Variants in THADA observed in about 807,000 individuals in gnomAD.
The protein encoded by THADA is THADA armadillo repeat containing.
THADA carries 213 observed loss-of-function variants against 219.8 expected under a neutral mutation model. That is an observed-to-expected ratio of 0.97 (90% CI 0.87 to 1.09). THADA has a LOEUF of 1.09. Ranked by LOEUF, THADA falls within the 50% of genes least tolerant of loss-of-function variation. The pLI is 0.00. For synonymous variants in THADA, 1,018 were observed against 828.9 expected (o/e 1.23, Z -3.92); for missense variants, 2,956 against 2,311.3 (o/e 1.28, Z -5.72).
chr2:43,295,484 C>A (rs1179603276), intron 31 of THADA, among the ~76,000 whole-genome samples: 1 of 152,236 alleles, frequency 6.6e-6, no homozygotes, highest in Non-Finnish European at 1.5e-5. Flanking sequence ...ACAGACTTCA[C>A]CAAATGCCTT....
intron 22 of THADA, among the ~76,000 whole-genome samples, chr2:43,517,275 A>T (rs993095109): frequency 2.0e-5 from 3 of 152,150 alleles, no homozygotes; most frequent in African/African-American, 7.2e-5. Flanking sequence ...TGAATGATTC[A>T]TGGTAGCCTG....
At chr2:43,514,708 A>G (rs1691048064) in intron 22 of THADA, among the ~76,000 whole-genome samples, 2 of 74,308 alleles carry the variant, frequency 2.7e-5, no homozygotes, top group African/African-American at 1.3e-4. Flanking sequence ...TATAATATAT[A>G]TATAAATATA....
intron 28 of THADA, among the ~76,000 whole-genome samples, chr2:43,423,302 G>A (rs1252732362): frequency 6.6e-6 from 1 of 152,062 alleles, no homozygotes; most frequent in Non-Finnish European, 1.5e-5. Flanking sequence ...ATGCTATAAA[G>A]TTGCAAGAGA....
At chr2:43,508,015 G>A (rs1217238102) in intron 23 of THADA, among the ~76,000 whole-genome samples, 1 of 151,946 alleles carries the variant, frequency 6.6e-6, no homozygotes, top group Non-Finnish European at 1.5e-5. Context: ...GAGAGGTTCG[G>A]GAGTCAGGCT....
chr2:43,574,800 T>C lies in THADA; in HGVS notation c.1265A>G (p.His422Arg), dbSNP rs1372802416. The C allele has an allele frequency of 1.3e-5, 21 of 1,613,904 alleles. No individual in the cohort carries two copies. The highest frequency in any genetic ancestry group is 1.8e-5 in the Non-Finnish European group (21 of 1,179,904). ...ATCTGCACCTTCCACAGTGAGCCGG[T>C]GCATTTGGAGAAGGTTTTTGAACAT... is the stretch of plus-strand genomic sequence containing the variant. ...KIMFKNLLQM[H>R]RLTVEGADFV... The change falls in exon 11 of 38, where the codon CAC (histidine) becomes CGC (arginine). Residue 422 changes from histidine to arginine, a missense_variant. Physicochemically the swap from His to Arg is conservative, Grantham distance 29. Transcript: ENST00000405975.
chr2:43,515,085 A>AAT (rs1457432552), intron 22 of THADA, among the ~76,000 whole-genome samples: 2 of 9,342 alleles, frequency 2.1e-4, no homozygotes, highest in Admixed American at 2.3e-3. Context: ...AATATATATA[A>AAT]ATATATATAT....
intron 29 of THADA, among the ~76,000 whole-genome samples, chr2:43,351,387 T>C (rs998820875): frequency 2.0e-5 from 3 of 152,136 alleles, no homozygotes; most frequent in African/African-American, 7.2e-5. Flanking sequence ...GGACGTTCCA[T>C]CATTTGTCTC....
chr2:43,334,786 A>G (rs908993291), intron 30 of THADA, among the ~76,000 whole-genome samples: 4 of 152,254 alleles, frequency 2.6e-5, no homozygotes, highest in African/African-American at 9.6e-5. Context: ...AAACAAAAAA[A>G]AAAACAAAAA....
intron 4 of THADA, among the ~76,000 whole-genome samples, chr2:43,588,551 T>A (rs1274768441): frequency 6.6e-6 from 1 of 152,150 alleles, no homozygotes; most frequent in East Asian, 1.9e-4. Flanking sequence ...CAAGAAAATG[T>A]ACAAAGAATA....
chr2:43,586,965 C>T lies in THADA; in HGVS notation c.340G>A (p.Ala114Thr), dbSNP rs1701091811. Residue 114 changes from alanine to threonine, a missense_variant, in exon 5 of 38, where the codon GCT (alanine) becomes ACT (threonine). By Grantham distance (58) the Ala-to-Thr change is moderately conservative. Transcript: ENST00000405975. ...AGACGAGAAGTAAAACGGTGCATAG[C>T]CTCAGGTAGAAAAAAATCAGGCAGG... ...NSLPDFFLPE[A>T]MHRFTSRLQE... The T allele has an allele frequency of 6.2e-7, 1 of 1,613,492 alleles. No individual in the cohort carries two copies.
At chr2:43,299,825 G>A (rs1329598067) in intron 31 of THADA, among the ~76,000 whole-genome samples, 1 of 151,436 alleles carries the variant, frequency 6.6e-6, no homozygotes, top group Non-Finnish European at 1.5e-5. Flanking sequence ...TCAGGAGCTT[G>A]AGACCAGCCT....
intron 9 of THADA, among the ~76,000 whole-genome samples, chr2:43,577,622 A>G (rs553655168): frequency 8.6e-5 from 13 of 152,014 alleles, no homozygotes; most frequent in African/African-American, 3.1e-4. Context: ...CTCATAATAT[A>G]TTTTTCTAAG....
intron 25 of THADA, among the ~76,000 whole-genome samples, chr2:43,491,837 C>G (rs72790938): frequency 0.027 from 4,174 of 152,208 alleles, 65 homozygotes; most frequent in Middle Eastern, 0.054. Flanking sequence ...ATCCTTCTCA[C>G]GAGGGAAGCA....
chr2:43,570,663 T>A (rs1051202983), intron 13 of THADA, 153 bp from the exon 14 acceptor site: 1 of 824,752 alleles, frequency 1.2e-6, no homozygotes, highest in East Asian at 3.0e-5. Flanking sequence ...TGACAGAAAA[T>A]AATTTTTATA....
rs79337421 is a variant in THADA, at chr2:43,316,122, C to A, written c.4438+4324G>T. 5.6e-3 allele frequency among the ~76,000 whole-genome samples: 846 copies of A among 152,274 alleles called. 3 individuals are homozygous for A. Among genetic ancestry groups the A allele is most frequent in the African/African-American group, 0.018 (730 of 41,556 alleles). ...ATGCTTCTACCTCTGTCTGTAATAC[C>A]TACCTCCACCTTGCCCATCCTGGTG... On this transcript the variant is annotated intron_variant, in intron 31 of 37. Transcript: ENST00000405975.
intron 31 of THADA, among the ~76,000 whole-genome samples, chr2:43,314,272 C>T (rs566923707): frequency 6.6e-6 from 1 of 152,118 alleles, no homozygotes; most frequent in East Asian, 1.9e-4. Context: ...CTTCATGAGT[C>T]ATATTTCAAT....
At chr2:43,295,071 C>A (rs957860990) in intron 31 of THADA, among the ~76,000 whole-genome samples, 1 of 152,118 alleles carries the variant, frequency 6.6e-6, no homozygotes, top group African/African-American at 2.4e-5. Context: ...CCAGCCTGGA[C>A]AACACTGTGA....
intron 18 of THADA, 63 bp from the exon 19 acceptor site, chr2:43,551,988 T>C: frequency 6.3e-7 from 1 of 1,578,944 alleles, no homozygotes; most frequent in South Asian, 1.2e-5. Context: ...AAAATGAAAA[T>C]TAGATAAAAG....
intron 21 of THADA, among the ~76,000 whole-genome samples, chr2:43,529,146 T>A (rs911274251): frequency 1.1e-4 from 16 of 151,606 alleles, no homozygotes; most frequent in Non-Finnish European, 1.2e-4. Flanking sequence ...ATAACAAATA[T>A]GACTTTTTTT....
Sources: gnomAD v4.1 joint callset for allele counts (sites outside exome capture counted in the v4.1 genomes callset) on GRCh38, gnomAD v4.1.1 for gene constraint, MANE v1.5 for transcripts, NCBI Gene and HGNC (gene_info 2026-07-23, HGNC 2026-07-21) for gene names.